GNA11: variants seen among roughly 807,000 people sequenced by gnomAD.
The protein encoded by GNA11 is G protein subunit alpha 11.
GNA11 carries 8 observed loss-of-function variants against 38.2 expected under a neutral mutation model. The ratio of observed to expected loss-of-function variants is 0.21; its 90% CI spans 0.12 to 0.38. The LOEUF (loss-of-function observed/expected upper bound fraction) is 0.38, where lower values mean the gene tolerates loss of function less well. Ranked by LOEUF, GNA11 falls within the 10% of genes least tolerant of loss-of-function variation. The pLI, the probability that GNA11 is intolerant of heterozygous loss-of-function variation, is 1.00. For synonymous variants in GNA11, 211 were observed against 221.4 expected, an observed-to-expected ratio of 0.95 and a Z score of 0.42; for missense variants, 268 against 516.3, an observed-to-expected ratio of 0.52 and a Z score of 4.66.
chr19:3,115,158 CT>C, intron 4 of GNA11, 86 bp downstream of exon 4: 2 of 1,465,608 alleles, frequency 1.4e-6, no homozygotes, highest in Non-Finnish European at 1.9e-6. Flanking sequence ...GCACCCAGTG[CT>C]TTGGGAGGCC....
At chr19:3,116,102 C>T (rs1913913700) in intron 4 of GNA11, among the ~76,000 whole-genome samples, 1 of 152,002 alleles carries the variant, frequency 6.6e-6, no homozygotes, top group African/African-American at 2.4e-5. Flanking sequence ...CTCCGGGGCT[C>T]CAGGTCCACT....
At chr19:3,098,836 G>A (rs1003205607) in intron 1 of GNA11, among the ~76,000 whole-genome samples, 2 of 152,108 alleles carry the variant, frequency 1.3e-5, no homozygotes, top group African/African-American at 4.8e-5. Flanking sequence ...TCCCAAGCCC[G>A]AGCCCAGGCC....
At chr19:3,118,282 A>G (rs1027117290) in intron 4 of GNA11, 2 of 152,154 alleles carry the variant, frequency 1.3e-5, no homozygotes, top group Non-Finnish European at 2.9e-5. Flanking sequence ...ACAAGTAGAA[A>G]GAGGCAAACG....
At chr19:3,096,484 A>G (rs1913369336) in intron 1 of GNA11, among the ~76,000 whole-genome samples, 1 of 152,194 alleles carries the variant, frequency 6.6e-6, no homozygotes, top group Non-Finnish European at 1.5e-5. Flanking sequence ...TGTGACCTCC[A>G]GAACCCCCGC....
In GNA11 at chr19:3,094,536, G is replaced by T. The variant is rs1337408618; in HGVS notation, c.-116G>T. 3 of 241,530 alleles carry T rather than the reference G, an allele frequency of 1.2e-5. No homozygotes were observed. The highest frequency in any genetic ancestry group is 3.0e-4 in the South Asian group (2 of 6,752). 15.0% of individuals were successfully genotyped at this position (241,530 alleles called of 1,614,324 possible). On this transcript the variant is annotated 5_prime_UTR_variant, in exon 1 of 7. Transcript: ENST00000078429. The surrounding 1 kb of genome is among the most constrained non-coding windows in gnomAD (Gnocchi z 6.0). ...GCGGGCCGGCCCGGGGCCGAGGGCC[G>T]GTGGCCGAGGCCGGAGGGCCGCGGC...
At position 3,119,073 on chromosome 19, in the gene GNA11, G is replaced by C. The variant is rs757446459; in HGVS notation, c.735+20G>C. 6.2e-6 allele frequency: 10 copies of C among 1,610,284 alleles called. No homozygotes were observed. In the African/African-American group the frequency reaches 1.3e-4, roughly 22 times the overall value. ...AACGAGGTGGGCCCTGCCCTGAGCA[G>C]GGGCAGCGTTGGGGGCCGGGCCTTC... On this transcript the variant is annotated intron_variant, in intron 5 of 6. Transcript: ENST00000078429. The surrounding 1 kb of genome is among the most constrained non-coding windows in gnomAD (Gnocchi z 4.6).
At chr19:3,109,631 G>C (rs1817524976) in intron 1 of GNA11, among the ~76,000 whole-genome samples, 1 of 152,226 alleles carries the variant, frequency 6.6e-6, no homozygotes, top group African/African-American at 2.4e-5. Context: ...GGGGCAGTGT[G>C]GCCGTGGCCG....
chr19:3,094,780 G>A lies in GNA11; in HGVS notation c.129G>A (p.Leu43=), dbSNP rs534950824. 6.3e-6 allele frequency: 10 copies of A among 1,582,396 alleles called. No homozygotes were observed. The highest frequency in any genetic ancestry group is 3.4e-5 in the South Asian group (3 of 87,788). ...ACGCCCGGCGCGAGCTCAAGCTGCT[G>A]CTGCTCGGTGAGTGCGGCCCCCGGG... ...KRDARRELKL[L]LLGTGESGKS... The change falls in exon 1 of 7, where the codon CTG becomes CTA. Residue 43 remains leucine, a synonymous_variant. Coordinates refer to ENST00000078429, the MANE Select transcript of GNA11 (RefSeq NM_002067.5). The surrounding 1 kb of genome is among the most constrained non-coding windows in gnomAD (Gnocchi z 6.0).
Position 3,123,769 on chromosome 19 carries a change from T to TA in GNA11, c.*2592dup, listed in dbSNP as rs997861694. 4.3e-6 allele frequency: 1 copy of TA among 231,852 alleles called. No individual in the cohort carries two copies. The highest frequency in any genetic ancestry group is 8.5e-6 in the Non-Finnish European group (1 of 117,262). The allele number at this position is 231,852 out of a possible 1,614,324, so 14.4% of individuals were successfully genotyped here. On this transcript the variant is annotated 3_prime_UTR_variant, in exon 7 of 7. Coordinates refer to ENST00000078429, the MANE Select transcript of GNA11 (RefSeq NM_002067.5). Reference sequence around the variant, plus strand: ...TCCTGATTTCAGACAATTTCAACCTTAATCTATTTAAAAAAGAATATTCTA... The same window carrying TA: ...TCCTGATTTCAGACAATTTCAACCTTAAATCTATTTAAAAAAGAATATTCTA...
intron 1 of GNA11, among the ~76,000 whole-genome samples, chr19:3,099,108 GTC>G (rs1330570144): frequency 1.3e-5 from 2 of 152,228 alleles, no homozygotes; most frequent in Non-Finnish European, 2.9e-5. Context: ...GGTGGAGCCT[GTC>G]TCTGTCTGGG....
At chr19:3,106,042 C>G (rs1913631288) in intron 1 of GNA11, among the ~76,000 whole-genome samples, 1 of 152,132 alleles carries the variant, frequency 6.6e-6, no homozygotes, top group Non-Finnish European at 1.5e-5. Context: ...ATTTTGGAGC[C>G]AAAAGAGCGT....
At chr19:3,116,906 C>T (rs942087983) in intron 4 of GNA11, among the ~76,000 whole-genome samples, 1 of 152,162 alleles carries the variant, frequency 6.6e-6, no homozygotes, top group African/African-American at 2.4e-5. Flanking sequence ...CACCCCAGGG[C>T]TGGGGGTGCC....
intron 4 of GNA11, chr19:3,117,653 A>G (rs1201932266): frequency 6.6e-6 from 1 of 152,504 alleles, no homozygotes; most frequent in African/African-American, 2.4e-5. Flanking sequence ...AAGTGCTGGG[A>G]TTACAGGCGT....
chr19:3,115,968 CT>C (rs1913909841), intron 4 of GNA11, among the ~76,000 whole-genome samples: 3 of 120,846 alleles, frequency 2.5e-5, no homozygotes, highest in African/African-American at 1.1e-4. Flanking sequence ...GGGACCGAGG[CT>C]TTGAGGGGAG....
chr19:3,095,652 A>G (rs1913345795), intron 1 of GNA11, among the ~76,000 whole-genome samples: 1 of 151,970 alleles, frequency 6.6e-6, no homozygotes, highest in South Asian at 2.1e-4. Flanking sequence ...TGGGAAAAAG[A>G]CAGTCTTTCC....
chr19:3,112,487 C>T lies in GNA11; in HGVS notation c.322-843C>T, dbSNP rs532988529. ...TCAGCCAAACTGTGGCTGGTCATGTCGGCCTGTGCGCCCCGGGGACGGGGA... is the reference window on the plus strand; with the variant it reads ...TCAGCCAAACTGTGGCTGGTCATGTTGGCCTGTGCGCCCCGGGGACGGGGA... On this transcript the variant is annotated intron_variant, in intron 2 of 6. Coordinates refer to ENST00000078429, the MANE Select transcript of GNA11 (RefSeq NM_002067.5). Among the ~76,000 whole-genome samples, 63 of 152,312 alleles carry T rather than the reference C, an allele frequency of 4.1e-4. 1 individual carries two copies. Among genetic ancestry groups the T allele is most frequent in the African/African-American group, 1.5e-3 (61 of 41,582 alleles).
intron 2 of GNA11, among the ~76,000 whole-genome samples, chr19:3,112,766 TTGA>T (rs1182775555): frequency 1.3e-5 from 2 of 152,340 alleles, no homozygotes; most frequent in South Asian, 2.1e-4. Context: ...GTATCTGCTC[TTGA>T]TGATGTTTGA....
At chr19:3,096,707 A>ACCC (rs138095276) in intron 1 of GNA11, among the ~76,000 whole-genome samples, 1 of 150,530 alleles carries the variant, frequency 6.6e-6, no homozygotes, top group African/African-American at 2.4e-5. Flanking sequence ...CTGCAGTCCC[A>ACCC]CCCCCTCCCA....
At position 3,113,460 on chromosome 19, in the gene GNA11, A is replaced by G; in HGVS notation, c.452A>G (p.Tyr151Cys). 1 of 1,609,548 alleles carries G rather than the reference A, an allele frequency of 6.2e-7. No individual in the cohort carries two copies. The highest frequency in any genetic ancestry group is 8.5e-7 in the Non-Finnish European group (1 of 1,177,490). Residue 151 changes from tyrosine to cysteine, a missense_variant, in exon 3 of 7, where the codon TAC (tyrosine) becomes TGC (cysteine). Physicochemically the swap from Tyr to Cys is radical, Grantham distance 194 (BLOSUM62 -2). Around this residue, in one of 3 missense-constraint regions of GNA11, gnomAD observed 151 missense variants for 254.0 expected, o/e 0.59. Transcript: ENST00000078429. ...GAATGCTACGACCGCAGGCGCGAGT[A>G]CCAGCTCTCCGACTCTGCCAAGTAG... ...IQECYDRRREYQLSDSAKYYL... is the reference protein window; with the variant it reads ...IQECYDRRRECQLSDSAKYYL...
Sources: allele counts gnomAD v4.1 joint callset (sites outside exome capture counted in the v4.1 genomes callset), GRCh38; gene constraint gnomAD v4.1.1; regional missense constraint gnomAD v4.1.1; non-coding constraint Gnocchi (gnomAD v3.1); transcripts MANE v1.5; gene names NCBI Gene and HGNC (gene_info 2026-07-23, HGNC 2026-07-21).